Variants in MYO16 observed in about 807,000 individuals in gnomAD.
The protein encoded by MYO16 is unconventional myosin-XVI.
In MYO16, 94 loss-of-function variants were observed where a neutral mutation model predicts 205.3. That is an observed-to-expected ratio of 0.46 (90% confidence interval 0.39 to 0.54). The LOEUF (loss-of-function observed/expected upper bound fraction) is 0.54. MYO16 is among the 20% of genes least tolerant of loss of function. The pLI is 0.00. For missense variants in MYO16, 2,315 were observed against 2,387.5 expected (o/e 0.97, Z 0.63); for synonymous variants, 988 against 954.0 (o/e 1.04, Z -0.66).
intron 33 of MYO16, among the ~76,000 whole-genome samples, chr13:109,178,484 AT>A (rs1879317165): frequency 6.6e-6 from 1 of 152,214 alleles, no homozygotes; most frequent in African/African-American, 2.4e-5. Context: ...TAATTTAGGA[AT>A]TATGTATATG....
At chr13:108,605,292 T>C (rs1878911111) in intron 1 of MYO16, among the ~76,000 whole-genome samples, 1 of 152,166 alleles carries the variant, frequency 6.6e-6, no homozygotes, top group African/African-American at 2.4e-5. Flanking sequence ...TCTATCTTTG[T>C]TTATCTTACA....
intron 21 of MYO16, among the ~76,000 whole-genome samples, chr13:108,998,474 C>T (rs1355706590): frequency 6.6e-6 from 1 of 152,174 alleles, no homozygotes; most frequent in African/African-American, 2.4e-5. Flanking sequence ...TTTCTCTGGC[C>T]AGATAATATG....
chr13:109,026,187 C>A lies in MYO16; in HGVS notation c.2796+6276C>A, dbSNP rs546622750. Among the ~76,000 whole-genome samples the A allele has an allele frequency of 4.3e-4, 65 of 152,208 alleles. 1 individual carries two copies. The highest frequency in any genetic ancestry group is 1.4e-3 in the African/African-American group (57 of 41,528). Reference sequence around the variant, plus strand: ...AGCCCTCCGAAAATATTTTCAGGCCCCTATTCATGGAGACTGTGAATATGA... The same window carrying A: ...AGCCCTCCGAAAATATTTTCAGGCCACTATTCATGGAGACTGTGAATATGA... On this transcript the variant is annotated intron_variant, in intron 23 of 34. Coordinates refer to ENST00000457511, the MANE Select transcript of MYO16 (RefSeq NM_001198950.3).
the MYO16 span, among the ~76,000 whole-genome samples, chr13:108,564,908 G>A: frequency 1.3e-5 from 2 of 152,122 alleles, no homozygotes; most frequent in South Asian, 4.1e-4. Context: ...TGAAGAGACT[G>A]TCTTTTCCCC....
chr13:108,905,356 T>C lies in MYO16; in HGVS notation c.1778-4647T>C, dbSNP rs1042401527. 1.4e-4 allele frequency among the ~76,000 whole-genome samples: 21 copies of C among 152,214 alleles called. 1 individual carries two copies. The highest frequency in any genetic ancestry group is 2.5e-4 in the Non-Finnish European group (17 of 68,044). On this transcript the variant is annotated intron_variant, in intron 15 of 34. Transcript: ENST00000457511. ...TCTAGTATCATGATGGAGCTATTAA[T>C]GGTTTAATCGGGCTGCCTCTGCAAA...
At chr13:108,966,472 A>T (rs1415165984) in intron 20 of MYO16, among the ~76,000 whole-genome samples, 1 of 152,242 alleles carries the variant, frequency 6.6e-6, no homozygotes, top group Non-Finnish European at 1.5e-5. Flanking sequence ...TGCTACAAAC[A>T]CACACCCAGA....
At chr13:109,122,800 G>A (rs1274659923) in intron 29 of MYO16, among the ~76,000 whole-genome samples, 1 of 151,730 alleles carries the variant, frequency 6.6e-6, no homozygotes, top group African/African-American at 2.4e-5. Context: ...GCTTGTAAAT[G>A]CAAAGCATTA....
intron 34 of MYO16, among the ~76,000 whole-genome samples, chr13:109,185,072 G>A (rs1207209874): frequency 3.3e-5 from 5 of 152,116 alleles, no homozygotes; most frequent in Non-Finnish European, 5.9e-5. Flanking sequence ...ACCTGGCTGT[G>A]ACTACATTTT....
intron 15 of MYO16, among the ~76,000 whole-genome samples, chr13:108,905,354 A>C (rs1263852788): frequency 6.6e-6 from 1 of 152,190 alleles, no homozygotes; most frequent in East Asian, 1.9e-4. Context: ...TGGAGCTATT[A>C]ATGGTTTAAT....
At chr13:108,765,625 C>G (rs952533406) in intron 4 of MYO16, among the ~76,000 whole-genome samples, 2 of 152,176 alleles carry the variant, frequency 1.3e-5, no homozygotes, top group African/African-American at 4.8e-5. Context: ...GCTCTGTTCA[C>G]ACATCTCATC....
intron 28 of MYO16, among the ~76,000 whole-genome samples, chr13:109,117,628 G>A (rs1162950758): frequency 6.6e-6 from 1 of 151,684 alleles, no homozygotes; most frequent in African/African-American, 2.4e-5. Context: ...AGGTGTCAAA[G>A]CCCTAAAGGA....
At chr13:108,685,183 C>T (rs1017675751) in intron 2 of MYO16, among the ~76,000 whole-genome samples, 2 of 151,976 alleles carry the variant, frequency 1.3e-5, no homozygotes. Context: ...CCACCATGCC[C>T]AGCTAATTTT....
At chr13:108,496,680 T>G in the MYO16 span, among the ~76,000 whole-genome samples, 1 of 152,232 alleles carries the variant, frequency 6.6e-6, no homozygotes, top group African/African-American at 2.4e-5. Flanking sequence ...CGTCAAGTTC[T>G]CTTAGTATTT....
At chr13:108,870,330 A>G (rs1296608512) in intron 12 of MYO16, among the ~76,000 whole-genome samples, 1 of 152,024 alleles carries the variant, frequency 6.6e-6, no homozygotes, top group Non-Finnish European at 1.5e-5. Flanking sequence ...ATGTTCATGA[A>G]AAAGATAAGC....
upstream of MYO16, among the ~76,000 whole-genome samples, chr13:108,595,881 CTTTTTTTTTTT>C (rs67620613): frequency 9.2e-6 from 1 of 108,314 alleles, no homozygotes; most frequent in Non-Finnish European, 1.8e-5. Context: ...AAATTAAGTC[CTTTTTTTTTTT>C]TTTTTTTTTT....
chr13:108,546,898 G>A, the MYO16 span, among the ~76,000 whole-genome samples: 1 of 152,218 alleles, frequency 6.6e-6, no homozygotes, highest in South Asian at 2.1e-4. Context: ...AGTGGTGAAT[G>A]GTAACCATTA....
At chr13:108,971,478 A>G (rs1467474043) in intron 20 of MYO16, among the ~76,000 whole-genome samples, 1 of 148,254 alleles carries the variant, frequency 6.7e-6, no homozygotes. Context: ...ATAGAGGGTT[A>G]TTTGAGTATA....
At chr13:109,021,999 C>T (rs555952912) in intron 23 of MYO16, among the ~76,000 whole-genome samples, 1 of 150,970 alleles carries the variant, frequency 6.6e-6, no homozygotes, top group African/African-American at 2.4e-5. Flanking sequence ...AGTGGCAAGG[C>T]CTCAGAAGGC....
the MYO16 span, among the ~76,000 whole-genome samples, chr13:108,589,667 A>G: frequency 2.6e-5 from 4 of 152,042 alleles, no homozygotes; most frequent in Non-Finnish European, 5.9e-5. Flanking sequence ...TATATTGAAC[A>G]TTATTGTCTT....
Sources: gnomAD v4.1 joint callset for allele counts (sites outside exome capture counted in the v4.1 genomes callset) on GRCh38, gnomAD v4.1.1 for gene constraint, MANE v1.5 for transcripts, NCBI Gene and HGNC (gene_info 2026-07-23, HGNC 2026-07-21) for gene names.